Variants in DPP6 observed in about 807,000 individuals in gnomAD.
The protein encoded by DPP6 is dipeptidyl peptidase like 6.
A neutral mutation model predicts 122.6 loss-of-function variants in DPP6; 69 were observed. That is an observed-to-expected ratio of 0.56 (90% CI 0.46 to 0.69). The LOEUF is 0.69. Among genes scored for constraint, DPP6 ranks in the 30% least tolerant of loss-of-function variants. The pLI is 0.00. For missense variants in DPP6, 928 were observed against 1,116.9 expected (o/e 0.83, Z 2.41); for synonymous variants, 418 against 433.1 (o/e 0.97, Z 0.43).
At chr7:154,328,090 C>A (rs11765037) in intron 1 of DPP6, among the ~76,000 whole-genome samples, 23,826 of 152,134 alleles carry the variant, frequency 0.16, 2,426 homozygotes, top group African/African-American at 0.28. Context: ...CAAGCAGGTC[C>A]TGGCCTCAGA....
intron 10 of DPP6, among the ~76,000 whole-genome samples, chr7:154,790,545 A>G (rs1797607930): frequency 6.6e-6 from 1 of 152,110 alleles, no homozygotes; most frequent in African/African-American, 2.4e-5. Context: ...ACTGTATTTC[A>G]TCACCATAAC....
At chr7:154,129,606 T>TA (rs1448286513) in intron 1 of DPP6, among the ~76,000 whole-genome samples, 1 of 152,004 alleles carries the variant, frequency 6.6e-6, no homozygotes, top group Non-Finnish European at 1.5e-5. Context: ...CTACTAAAAA[T>TA]AAAAAATTAG....
At chr7:154,690,318 T>C (rs1355655237) in intron 7 of DPP6, among the ~76,000 whole-genome samples, 1 of 152,144 alleles carries the variant, frequency 6.6e-6, no homozygotes, top group African/African-American at 2.4e-5. Flanking sequence ...TTTGAACCAA[T>C]GTCGGCCTTC....
intron 1 of DPP6, among the ~76,000 whole-genome samples, chr7:154,193,211 T>C (rs1040605226): frequency 2.6e-5 from 4 of 152,234 alleles, no homozygotes; most frequent in African/African-American, 9.6e-5. Flanking sequence ...CATTAGACTT[T>C]TAGATTTTCT....
At chr7:154,210,839 A>T (rs1285320120) in intron 1 of DPP6, among the ~76,000 whole-genome samples, 3 of 151,754 alleles carry the variant, frequency 2.0e-5, no homozygotes, top group African/African-American at 7.2e-5. Flanking sequence ...CAAAAAGGAA[A>T]AAAAAAGACA....
the DPP6 span, among the ~76,000 whole-genome samples, chr7:153,873,347 C>G: frequency 6.6e-6 from 1 of 152,178 alleles, no homozygotes; most frequent in Non-Finnish European, 1.5e-5. Context: ...CCAAAACAAA[C>G]CAAAAGATAG....
chr7:154,007,472 T>C (rs1198105610), intron 1 of DPP6, among the ~76,000 whole-genome samples: 2 of 152,120 alleles, frequency 1.3e-5, no homozygotes, highest in Non-Finnish European at 2.9e-5. Context: ...AAAAAAATTC[T>C]CAGATGAGCT....
chr7:154,308,057 T>C (rs1031522187), intron 1 of DPP6, among the ~76,000 whole-genome samples: 1 of 152,092 alleles, frequency 6.6e-6, no homozygotes, highest in Non-Finnish European at 1.5e-5. Context: ...AGAACTGGGA[T>C]TGAATGGAGC....
intron 3 of DPP6, among the ~76,000 whole-genome samples, chr7:154,528,379 G>A (rs1471936766): frequency 6.6e-6 from 1 of 152,106 alleles, no homozygotes; most frequent in Admixed American, 6.6e-5. Context: ...GGCACAAAAG[G>A]TATAATTTGA....
intron 3 of DPP6, among the ~76,000 whole-genome samples, chr7:154,527,405 G>A (rs1484062800): frequency 1.3e-5 from 2 of 152,156 alleles, no homozygotes; most frequent in Admixed American, 1.3e-4. Flanking sequence ...TTTCTAGACT[G>A]CAGTGTGGAT....
chr7:154,506,332 A>G (rs550097124), intron 3 of DPP6, among the ~76,000 whole-genome samples: 2 of 152,104 alleles, frequency 1.3e-5, no homozygotes, highest in Non-Finnish European at 2.9e-5. Flanking sequence ...TTTTCAGTAA[A>G]GATTTTTTAA....
At chr7:153,996,418 A>G (rs4726367) in intron 1 of DPP6, among the ~76,000 whole-genome samples, 64,327 of 151,320 alleles carry the variant, frequency 0.43, 14,233 homozygotes, top group Middle Eastern at 0.51. Context: ...TCAAGGTTCA[A>G]TCTCATAGTT....
intron 3 of DPP6, among the ~76,000 whole-genome samples, chr7:154,501,731 A>G (rs970119247): frequency 6.6e-6 from 1 of 152,214 alleles, no homozygotes; most frequent in Non-Finnish European, 1.5e-5. Flanking sequence ...CTGCTAGGGC[A>G]GTGTGGAAGG....
In DPP6 at chr7:154,062,256, G is replaced by C. The variant is rs184708809; in HGVS notation, c.243+9193G>C. Among the ~76,000 whole-genome samples, 621 of 82,754 alleles carry C rather than the reference G, an allele frequency of 7.5e-3. 111 individuals are homozygous for C. Among genetic ancestry groups the C allele is most frequent in the African/African-American group, 0.026 (572 of 22,024 alleles). 54.3% of individuals were successfully genotyped at this position (82,754 alleles called of 152,430 possible). ...GAAAGTTCAAATCTTCTGACGGCAG[G>C]TACCTTACGTGGGATTACTGAGAGC... On this transcript the variant is annotated intron_variant, in intron 1 of 25. Coordinates refer to ENST00000377770, the MANE Select transcript of DPP6 (RefSeq NM_130797.4).
intron 2 of DPP6, among the ~76,000 whole-genome samples, chr7:154,459,530 A>G (rs115504437): frequency 6.6e-6 from 1 of 152,314 alleles, no homozygotes; most frequent in African/African-American, 2.4e-5. Context: ...ATAGAAAAAC[A>G]GTAGAAATAT....
chr7:154,214,023 C>T (rs2150814103), intron 1 of DPP6, among the ~76,000 whole-genome samples: 1 of 152,306 alleles, frequency 6.6e-6, no homozygotes, highest in South Asian at 2.1e-4. Context: ...CGACATCATG[C>T]CTCTAAGTAG....
chr7:154,372,461 C>T (rs906503679), intron 1 of DPP6, among the ~76,000 whole-genome samples: 1 of 152,184 alleles, frequency 6.6e-6, no homozygotes, highest in Admixed American at 6.5e-5. Context: ...TGTGCCTGGC[C>T]GTGCGTGGGC....
chr7:153,805,844 G>A, the DPP6 span, among the ~76,000 whole-genome samples: 1 of 151,756 alleles, frequency 6.6e-6, no homozygotes, highest in Non-Finnish European at 1.5e-5. Context: ...ACACACTGGG[G>A]CCTGTCGTGG....
At chr7:154,196,215 C>T (rs1047073042) in intron 1 of DPP6, among the ~76,000 whole-genome samples, 3 of 152,150 alleles carry the variant, frequency 2.0e-5, no homozygotes, top group African/African-American at 7.2e-5. Flanking sequence ...ATGGGCCGGG[C>T]ACGGTGGCTC....
Sources: gnomAD v4.1 joint callset for allele counts (sites outside exome capture counted in the v4.1 genomes callset) on GRCh38, gnomAD v4.1.1 for gene constraint, MANE v1.5 for transcripts, NCBI Gene and HGNC (gene_info 2026-07-23, HGNC 2026-07-21) for gene names.